The following PDE4D variants were observed in gnomAD, a reference collection of about 807,000 sequenced individuals.
PDE4D encodes phosphodiesterase 4D, also known as 3',5'-cyclic-AMP phosphodiesterase 4D.
In PDE4D, 24 loss-of-function variants were observed where a neutral mutation model predicts 87.4. That is an observed-to-expected ratio of 0.27 (90% confidence interval 0.20 to 0.39). The LOEUF is 0.39. PDE4D is among the 10% of genes least tolerant of loss of function. The pLI is 1.00. For synonymous variants in PDE4D, 384 were observed against 383.2 expected, an observed-to-expected ratio of 1.00 and a Z score of -0.02; for missense variants, 714 against 1,041.0, an observed-to-expected ratio of 0.69 and a Z score of 4.32.
chr5:60,486,670 A>C (rs1345860570), intron 1 of PDE4D, among the ~76,000 whole-genome samples: 1 of 152,258 alleles, frequency 6.6e-6, no homozygotes, highest in African/African-American at 2.4e-5. Context: ...ATCAAAAATA[A>C]GCCACTAATG....
At chr5:60,268,275 A>G (rs1193760910) in intron 1 of PDE4D, among the ~76,000 whole-genome samples, 1 of 152,226 alleles carries the variant, frequency 6.6e-6, no homozygotes, top group Non-Finnish European at 1.5e-5. Context: ...TTAAGAAAGT[A>G]ATAGATACAA....
At chr5:60,380,266 C>T (rs1417395850) in intron 1 of PDE4D, among the ~76,000 whole-genome samples, 1 of 152,178 alleles carries the variant, frequency 6.6e-6, no homozygotes, top group East Asian at 1.9e-4. Flanking sequence ...CTCTCTGCTT[C>T]CAGCCTCTTT....
At chr5:59,027,322 C>G (rs980872874) in intron 6 of PDE4D, among the ~76,000 whole-genome samples, 1 of 152,156 alleles carries the variant, frequency 6.6e-6, no homozygotes, top group African/African-American at 2.4e-5. Flanking sequence ...ACCTTGATAA[C>G]CTGGCTGAAG....
intron 1 of PDE4D, among the ~76,000 whole-genome samples, chr5:60,307,778 C>A (rs371305190): frequency 1.3e-5 from 2 of 151,996 alleles, no homozygotes; most frequent in African/African-American, 4.8e-5. Flanking sequence ...AATGTCCCCA[C>A]AAATTATGCC....
At chr5:60,232,519 G>A (rs1583160916) in intron 1 of PDE4D, among the ~76,000 whole-genome samples, 1 of 151,854 alleles carries the variant, frequency 6.6e-6, no homozygotes, top group Non-Finnish European at 1.5e-5. Context: ...ATGTTTTTGA[G>A]ACATCAAGAA....
Position 60,014,325 on chromosome 5 carries a change from C to T in PDE4D, c.43-25608G>A, listed in dbSNP as rs148790357. On this transcript the variant is annotated intron_variant, in intron 2 of 16. Coordinates refer to the PDE4D transcript ENST00000502484. Reference sequence around the variant, plus strand: ...AAGACATACTCAGGAAAATCCTACCCATCAGAAATAGGAAACTGTTATTTT... The same window carrying T: ...AAGACATACTCAGGAAAATCCTACCTATCAGAAATAGGAAACTGTTATTTT... 8.5e-5 allele frequency among the ~76,000 whole-genome samples: 13 copies of T among 152,224 alleles called. No individual in the cohort carries two copies. In the East Asian group the frequency reaches 2.3e-3, roughly 27 times the overall value.
chr5:59,698,526 T>G (rs1752121647), intron 1 of PDE4D, among the ~76,000 whole-genome samples: 1 of 152,054 alleles, frequency 6.6e-6, no homozygotes, highest in Non-Finnish European at 1.5e-5. Flanking sequence ...ACAGCAAACT[T>G]TACCTGTAAA....
chr5:58,990,718 T>C lies in PDE4D; in HGVS notation c.1287+86A>G. 3 of 729,166 alleles carry C rather than the reference T, an allele frequency of 4.1e-6. No individual in the cohort carries two copies. In the South Asian group the frequency reaches 5.3e-5, roughly 13 times the overall value. 45.2% of individuals were successfully genotyped at this position (729,166 alleles called of 1,614,324 possible). ...AAAATAAGCAAAAGGTGGGGAATAT[T>C]AAAAAAGACAAAATGTATGCATAAG... On this transcript the variant is annotated intron_variant, in intron 9 of 14. Coordinates refer to ENST00000340635, the MANE Select transcript of PDE4D (RefSeq NM_001104631.2).
At chr5:60,103,107 G>T (rs1463459441) in intron 2 of PDE4D, among the ~76,000 whole-genome samples, 1 of 152,164 alleles carries the variant, frequency 6.6e-6, no homozygotes, top group South Asian at 2.1e-4. Context: ...ATGAACTCCT[G>T]CAGGGAGGTA....
At chr5:59,741,693 A>G (rs1443637539) in intron 1 of PDE4D, among the ~76,000 whole-genome samples, 1 of 152,184 alleles carries the variant, frequency 6.6e-6, no homozygotes, top group Non-Finnish European at 1.5e-5. Flanking sequence ...CTTTATTTAC[A>G]TATCTAGGTT....
At chr5:59,346,433 C>CT (rs527836367) in intron 1 of PDE4D, among the ~76,000 whole-genome samples, 36 of 148,914 alleles carry the variant, frequency 2.4e-4, no homozygotes, top group Non-Finnish European at 3.0e-4. Context: ...GACTGCGAGA[C>CT]TTTTTTTTTT....
chr5:59,773,148 C>T (rs1763744945), intron 1 of PDE4D, among the ~76,000 whole-genome samples: 1 of 152,130 alleles, frequency 6.6e-6, no homozygotes, highest in African/African-American at 2.4e-5. Flanking sequence ...CAATTATGTA[C>T]CAGGAACTTT....
intron 2 of PDE4D, among the ~76,000 whole-genome samples, chr5:60,097,620 A>G (rs1335002718): frequency 6.6e-6 from 1 of 151,984 alleles, no homozygotes; most frequent in Non-Finnish European, 1.5e-5. Context: ...TAAGACTGAT[A>G]CCTTGCTTGC....
At chr5:60,392,956 G>A (rs542023436) in intron 1 of PDE4D, among the ~76,000 whole-genome samples, 29 of 152,270 alleles carry the variant, frequency 1.9e-4, no homozygotes, top group African/African-American at 6.5e-4. Flanking sequence ...ACATTTAAAC[G>A]GGTTCTTCCC....
chr5:60,046,601 C>T (rs1206851545), intron 2 of PDE4D, among the ~76,000 whole-genome samples: 1 of 151,810 alleles, frequency 6.6e-6, no homozygotes, highest in Non-Finnish European at 1.5e-5. Context: ...TGTCAAAGGC[C>T]TTTTCTGCAT....
chr5:59,722,521 A>G (rs1755993804), intron 1 of PDE4D, among the ~76,000 whole-genome samples: 1 of 152,070 alleles, frequency 6.6e-6, no homozygotes, highest in Non-Finnish European at 1.5e-5. Flanking sequence ...CATTTCTTTA[A>G]TTCTTTCCAT....
At chr5:60,247,103 A>G (rs537376413) in intron 1 of PDE4D, among the ~76,000 whole-genome samples, 171 of 151,980 alleles carry the variant, frequency 1.1e-3, no homozygotes, top group South Asian at 2.3e-3. Context: ...ATTTTTTTTC[A>G]GTCCTTTCCA....
intron 1 of PDE4D, among the ~76,000 whole-genome samples, chr5:59,492,905 T>C (rs754159306): frequency 2.6e-5 from 4 of 152,174 alleles, no homozygotes; most frequent in South Asian, 2.1e-4. Flanking sequence ...CCACCATCCA[T>C]ATAAGACGCG....
intron 2 of PDE4D, among the ~76,000 whole-genome samples, chr5:60,040,800 C>T (rs1768388747): frequency 6.6e-6 from 1 of 152,100 alleles, no homozygotes; most frequent in Admixed American, 6.5e-5. Flanking sequence ...ACTATTATTA[C>T]CCTAAATGTT....
Sources: allele counts gnomAD v4.1 joint callset (sites outside exome capture counted in the v4.1 genomes callset), GRCh38; gene constraint gnomAD v4.1.1; transcripts MANE v1.5; gene names NCBI Gene and HGNC (gene_info 2026-07-23, HGNC 2026-07-21).